The following VTI1A variants were observed in gnomAD, a reference collection of about 807,000 sequenced individuals.
VTI1A encodes vesicle transport through interaction with t-SNAREs homolog 1A.
VTI1A carries 22 observed loss-of-function variants against 34.9 expected under a neutral mutation model. The observed-to-expected ratio is 0.63, with a 90% CI of 0.45 to 0.90. The LOEUF (loss-of-function observed/expected upper bound fraction) is 0.90, where lower values mean the gene tolerates loss of function less well. Ranked by LOEUF, VTI1A falls within the 40% of genes least tolerant of loss-of-function variation. The pLI, the probability that VTI1A is intolerant of heterozygous loss-of-function variation, is 0.00. For missense variants in VTI1A, 268 were observed against 275.6 expected (o/e 0.97, Z 0.20); for synonymous variants, 87 against 97.3 (o/e 0.89, Z 0.62).
chr10:112,533,467 A>G (rs1850515015), intron 4 of VTI1A: 2 of 956,142 alleles, frequency 2.1e-6, no homozygotes, highest in Non-Finnish European at 1.3e-6. Flanking sequence ...CTGTCAGACA[A>G]CTGATCTTTC....
At chr10:112,630,616 A>C (rs760384689) in intron 5 of VTI1A, among the ~76,000 whole-genome samples, 1 of 152,154 alleles carries the variant, frequency 6.6e-6, no homozygotes, top group African/African-American at 2.4e-5. Flanking sequence ...TTGAACCTCT[A>C]TTCACTTGAT....
At chr10:112,573,029 G>A (rs563793339) in intron 5 of VTI1A, among the ~76,000 whole-genome samples, 1 of 151,926 alleles carries the variant, frequency 6.6e-6, no homozygotes, top group South Asian at 2.1e-4. Context: ...AGATAAATAA[G>A]TTGTTACCCA....
chr10:112,646,932 G>A (rs965356694), intron 5 of VTI1A, among the ~76,000 whole-genome samples: 4 of 152,190 alleles, frequency 2.6e-5, no homozygotes, highest in Non-Finnish European at 4.4e-5. Flanking sequence ...CCATCTAAGT[G>A]TAAGCTGCTA....
chr10:112,703,140 G>A (rs1849069390), intron 7 of VTI1A, among the ~76,000 whole-genome samples: 1 of 151,896 alleles, frequency 6.6e-6, no homozygotes, highest in Admixed American at 6.6e-5. Context: ...TCTACTACTA[G>A]ATGTATTTTT....
At chr10:112,800,019 T>C (rs1020952060) in intron 7 of VTI1A, among the ~76,000 whole-genome samples, 1 of 151,738 alleles carries the variant, frequency 6.6e-6, no homozygotes, top group African/African-American at 2.4e-5. Flanking sequence ...CCCTCAAAAG[T>C]TGGCAGAGAT....
intron 5 of VTI1A, among the ~76,000 whole-genome samples, chr10:112,597,498 G>A (rs946516952): frequency 6.6e-6 from 1 of 152,060 alleles, no homozygotes; most frequent in Non-Finnish European, 1.5e-5. Context: ...GATTACTGGC[G>A]TGAGCCACCA....
chr10:112,757,931 A>T (rs906736749), intron 7 of VTI1A, among the ~76,000 whole-genome samples: 1 of 152,198 alleles, frequency 6.6e-6, no homozygotes, highest in African/African-American at 2.4e-5. Flanking sequence ...ATATGTTATA[A>T]ACTATTGTTT....
chr10:112,508,780 CAG>C (rs1849516368), intron 3 of VTI1A, among the ~76,000 whole-genome samples: 1 of 152,116 alleles, frequency 6.6e-6, no homozygotes, highest in Non-Finnish European at 1.5e-5. Context: ...CTGAATTCTT[CAG>C]AGTTCGGGAT....
intron 5 of VTI1A, among the ~76,000 whole-genome samples, chr10:112,568,365 G>A (rs1043180319): frequency 5.3e-5 from 8 of 151,984 alleles, no homozygotes; most frequent in Non-Finnish European, 7.4e-5. Flanking sequence ...AAATTAGCTG[G>A]GCATGATGGT....
At chr10:112,737,852 C>T (rs766146122) in intron 7 of VTI1A, 28 of 1,060,504 alleles carry the variant, frequency 2.6e-5, no homozygotes, top group Admixed American at 1.6e-4. Context: ...TCCTGTTTAT[C>T]GTTGGTTTGA....
At chr10:112,533,975 C>T (rs531970471) in intron 4 of VTI1A, among the ~76,000 whole-genome samples, 1 of 152,012 alleles carries the variant, frequency 6.6e-6, no homozygotes, top group South Asian at 2.1e-4. Context: ...ACTCCTTTCC[C>T]CCACCCAAAA....
At chr10:112,674,255 T>A (rs1336362203) in intron 7 of VTI1A, among the ~76,000 whole-genome samples, 1 of 152,238 alleles carries the variant, frequency 6.6e-6, no homozygotes, top group Non-Finnish European at 1.5e-5. Context: ...TCTAAACTGT[T>A]CTTCAGCTTT....
intron 7 of VTI1A, among the ~76,000 whole-genome samples, chr10:112,727,327 T>C (rs1049699319): frequency 6.6e-6 from 1 of 152,154 alleles, no homozygotes; most frequent in African/African-American, 2.4e-5. Context: ...GAACAAGGCA[T>C]AGAGTTGGTA....
chr10:112,530,542 TCA>T (rs1850381235), intron 4 of VTI1A, among the ~76,000 whole-genome samples: 1 of 152,216 alleles, frequency 6.6e-6, no homozygotes, highest in Non-Finnish European at 1.5e-5. Context: ...TAATACTCTC[TCA>T]GTTTCTATAT....
At chr10:112,784,038 A>G (rs968303703) in intron 7 of VTI1A, among the ~76,000 whole-genome samples, 1 of 152,244 alleles carries the variant, frequency 6.6e-6, no homozygotes, top group Non-Finnish European at 1.5e-5. Context: ...AAAAGGATGA[A>G]TAATATCTTT....
At chr10:112,640,873 G>A (rs576501447) in intron 5 of VTI1A, among the ~76,000 whole-genome samples, 1 of 152,242 alleles carries the variant, frequency 6.6e-6, no homozygotes, top group South Asian at 2.1e-4. Flanking sequence ...ACAGATCTTG[G>A]CGTCATTCAT....
intron 5 of VTI1A, among the ~76,000 whole-genome samples, chr10:112,570,683 C>G (rs1157051670): frequency 6.6e-6 from 1 of 152,228 alleles, no homozygotes; most frequent in Non-Finnish European, 1.5e-5. Flanking sequence ...TCGGAAGAGG[C>G]TAAAATGCCA....
At chr10:112,730,927 A>G (rs1195978471) in intron 7 of VTI1A, among the ~76,000 whole-genome samples, 1 of 152,100 alleles carries the variant, frequency 6.6e-6, no homozygotes, top group African/African-American at 2.4e-5. Context: ...TTTTTCCTTG[A>G]TAGTCTGAAT....
At chr10:112,638,277 G>A (rs978159637) in intron 5 of VTI1A, among the ~76,000 whole-genome samples, 4 of 152,090 alleles carry the variant, frequency 2.6e-5, no homozygotes, top group Non-Finnish European at 5.9e-5. Flanking sequence ...TACATGGGAG[G>A]GAGTTATTTA....
Sources: allele counts gnomAD v4.1 joint callset (sites outside exome capture counted in the v4.1 genomes callset), GRCh38; gene constraint gnomAD v4.1.1; transcripts MANE v1.5; gene names NCBI Gene and HGNC (gene_info 2026-07-23, HGNC 2026-07-21).